The following VPS39 variants were observed in gnomAD, a reference collection of about 807,000 sequenced individuals.
The protein encoded by VPS39 is vam6/Vps39-like protein.
In VPS39, 70 loss-of-function variants were observed where a neutral mutation model predicts 121.0. That is an observed-to-expected ratio of 0.58 (90% CI 0.48 to 0.71). The LOEUF (loss-of-function observed/expected upper bound fraction) is 0.71, where lower values mean the gene tolerates loss of function less well. Among genes scored for constraint, VPS39 ranks in the 30% least tolerant of loss-of-function variants. The pLI, the probability that VPS39 is intolerant of heterozygous loss-of-function variation, is 0.00. For missense variants in VPS39, 818 were observed against 1,051.5 expected, an observed-to-expected ratio of 0.78 and a Z score of 3.07; for synonymous variants, 378 against 398.1, an observed-to-expected ratio of 0.95 and a Z score of 0.60.
rs771225035 is a variant in VPS39, at chr15:42,163,334, C to T, written c.2175+16G>A. On this transcript the variant is annotated intron_variant, in intron 21 of 24. Transcript: ENST00000318006. Reference sequence around the variant, plus strand: ...AGGTATGCACACGTGCTCCCTGGGTCAGGGTCACTACTCACATCTTTGTTG... The same window carrying T: ...AGGTATGCACACGTGCTCCCTGGGTTAGGGTCACTACTCACATCTTTGTTG... The T allele has an allele frequency of 1.2e-6, 2 of 1,614,090 alleles. No individual in the cohort carries two copies. Among genetic ancestry groups the T allele is most frequent in the Admixed American group, 3.3e-5 (2 of 60,008 alleles).
chr15:42,166,104 G>A, intron 16 of VPS39, 55 bp downstream of exon 16: 1 of 1,523,894 alleles, frequency 6.6e-7, no homozygotes, highest in Non-Finnish European at 9.1e-7. Context: ...GCTGTCTCAA[G>A]TGCAATCAGA....
chr15:42,179,683 T>C (rs188428738), intron 8 of VPS39, among the ~76,000 whole-genome samples: 152 of 151,896 alleles, frequency 1.0e-3, no homozygotes, highest in African/African-American at 2.8e-3. Context: ...CAAATTCTGT[T>C]TTCCCTAAAA....
chr15:42,182,715 C>A (rs2049608447), intron 8 of VPS39, among the ~76,000 whole-genome samples: 2 of 152,212 alleles, frequency 1.3e-5, no homozygotes, highest in African/African-American at 4.8e-5. Flanking sequence ...AGTGACTAAT[C>A]CTGCCTGTGG....
At chr15:42,167,372 C>G (rs1470945588) in intron 13 of VPS39, 22 bp downstream of exon 13, 1 of 1,612,948 alleles carries the variant, frequency 6.2e-7, no homozygotes, top group Non-Finnish European at 8.5e-7. Context: ...AATTGTGGCA[C>G]CCGAGCGCTC....
At chr15:42,178,136 A>C in intron 10 of VPS39, 82 bp downstream of exon 10, 10 of 1,589,990 alleles carry the variant, frequency 6.3e-6, no homozygotes, top group Non-Finnish European at 8.6e-6. Context: ...CTACTAACCC[A>C]AAATAAATAT....
At chr15:42,182,147 T>C (rs1215776790) in intron 8 of VPS39, among the ~76,000 whole-genome samples, 1 of 152,266 alleles carries the variant, frequency 6.6e-6, no homozygotes, top group Non-Finnish European at 1.5e-5. Context: ...TATATTTCTA[T>C]CATTTTGAAC....
At chr15:42,163,584 C>G in intron 20 of VPS39, 42 bp downstream of exon 20, 1 of 1,584,930 alleles carries the variant, frequency 6.3e-7, no homozygotes, top group South Asian at 1.1e-5. Flanking sequence ...GCAGGGCCTG[C>G]TTTTAGACTG....
intron 8 of VPS39, among the ~76,000 whole-genome samples, chr15:42,181,562 T>C (rs1270146420): frequency 1.3e-5 from 2 of 152,218 alleles, no homozygotes; most frequent in East Asian, 3.8e-4. Context: ...GTTTTTTACA[T>C]TTAAAAATAA....
In VPS39 at chr15:42,178,529, C is replaced by A. The variant is rs749504513; in HGVS notation, c.760G>T (p.Val254Phe). 6.2e-7 allele frequency: 1 copy of A among 1,614,142 alleles called. No homozygotes were observed. The highest frequency in any genetic ancestry group is 1.7e-5 in the Admixed American group (1 of 60,012). Residue 254 changes from valine to phenylalanine, a missense_variant, in exon 9 of 25, where the codon GTT becomes TTT. Val to Phe is a conservative substitution (Grantham distance 50). Coordinates refer to ENST00000318006, the MANE Select transcript of VPS39 (RefSeq NM_015289.5). ...PYIIAVLPRY[V>F]EIRTFEPRLL... ...CTCGGTTCAAATGTTCGGATCTCAA[C>A]ATATCGAGGCAACACTGCAATGATG...
At chr15:42,175,326 T>G (rs2140854164) in intron 10 of VPS39, among the ~76,000 whole-genome samples, 1 of 150,770 alleles carries the variant, frequency 6.6e-6, no homozygotes, top group East Asian at 2.0e-4. Flanking sequence ...GGGAATTGCT[T>G]GAACCCGGGA....
Position 42,160,811 on chromosome 15 carries a change from G to C in VPS39, c.2571C>G (p.Pro857=). The change falls in exon 25 of 25, where the codon CCC becomes CCG. Residue 857 remains proline (P), a synonymous_variant. Coordinates refer to ENST00000318006, the MANE Select transcript of VPS39 (RefSeq NM_015289.5). ...AGAAGTAATGGACGACCACTCCATT[G>C]GGGTATCTTGCAAATGCACTGCAGG... is the stretch of plus-strand genomic sequence containing the variant. The part of the protein sequence containing the change: ...KIGNSAFARY[P]NGVVVHYFCS... The C allele has an allele frequency of 6.2e-7, 1 of 1,614,152 alleles. No homozygotes were observed. The highest frequency in any genetic ancestry group is 8.5e-7 in the Non-Finnish European group (1 of 1,180,006).
At chr15:42,163,790 A>G in intron 19 of VPS39, 62 bp from the exon 20 acceptor site, 3 of 1,228,790 alleles carry the variant, frequency 2.4e-6, no homozygotes, top group Admixed American at 2.1e-5. Flanking sequence ...GGTGGGGGCT[A>G]TGCTGTCAGA....
intron 9 of VPS39, 38 bp downstream of exon 9, chr15:42,178,412 G>T: frequency 6.2e-7 from 1 of 1,613,938 alleles, no homozygotes; most frequent in Non-Finnish European, 8.5e-7. Flanking sequence ...ACAACTTTGG[G>T]ATAATATACA....
chr15:42,165,301 G>A, intron 17 of VPS39, 188 bp from the exon 18 acceptor site: 1 of 601,932 alleles, frequency 1.7e-6, no homozygotes, highest in Non-Finnish European at 2.9e-6. Context: ...AGTAACGTGA[G>A]GAGCCATCTT....
At chr15:42,166,699 A>C in intron 14 of VPS39, 50 bp from the exon 15 acceptor site, 5 of 1,613,870 alleles carry the variant, frequency 3.1e-6, no homozygotes, top group Non-Finnish European at 4.2e-6. Context: ...CCCACGGGAG[A>C]TTTCCATATC....
chr15:42,165,465 T>G (rs570233377), intron 17 of VPS39: 146 of 480,182 alleles, frequency 3.0e-4, no homozygotes, highest in Middle Eastern at 1.1e-3. Context: ...GGAATTTTTT[T>G]TCCAAATGTG....
chr15:42,191,303 A>G, intron 3 of VPS39, 136 bp from the exon 4 acceptor site: 1 of 1,190,840 alleles, frequency 8.4e-7, no homozygotes, highest in African/African-American at 1.5e-5. Flanking sequence ...TCTGGGCACT[A>G]TAATTTCTGT....
At chr15:42,167,143 G>C in intron 13 of VPS39, among the ~76,000 whole-genome samples, 1 of 152,244 alleles carries the variant, frequency 6.6e-6, no homozygotes, top group East Asian at 1.9e-4. Context: ...TACTGTCCCA[G>C]CTGACTTTGT....
chr15:42,160,510 A>C lies in VPS39; in HGVS notation c.*244T>G. ...ATCCTCCTGACCAAGCAGGTACTGA[A>C]TTCTCTGGAATTGCCCACAACATAA... On this transcript the variant is annotated 3_prime_UTR_variant, in exon 25 of 25. Transcript: ENST00000318006. The C allele has an allele frequency of 2.0e-6, 1 of 508,762 alleles. No homozygotes were observed. Among genetic ancestry groups the C allele is most frequent in the Non-Finnish European group, 3.6e-6 (1 of 281,084 alleles). The allele number at this position is 508,762 out of a possible 1,614,324, so 31.5% of individuals were successfully genotyped here.
Sources: allele counts gnomAD v4.1 joint callset (sites outside exome capture counted in the v4.1 genomes callset), GRCh38; gene constraint gnomAD v4.1.1; transcripts MANE v1.5; gene names NCBI Gene and HGNC (gene_info 2026-07-23, HGNC 2026-07-21).